Variants in BBS9 observed in about 807,000 individuals in gnomAD.
BBS9 encodes Bardet-Biedl syndrome 9.
In BBS9, 89 loss-of-function variants were observed where a neutral mutation model predicts 117.7. That is an observed-to-expected ratio of 0.76 (90% confidence interval 0.64 to 0.90). BBS9 has a LOEUF of 0.90. BBS9 is among the 40% of genes least tolerant of loss of function. The pLI is 0.00. For synonymous variants in BBS9, 379 were observed against 370.9 expected, an observed-to-expected ratio of 1.02 and a Z score of -0.25; for missense variants, 982 against 1,042.2, an observed-to-expected ratio of 0.94 and a Z score of 0.80.
chr7:33,418,594 G>A (rs981302657), intron 19 of BBS9, among the ~76,000 whole-genome samples: 3 of 152,212 alleles, frequency 2.0e-5, no homozygotes, highest in Non-Finnish European at 2.9e-5. Flanking sequence ...TAGAGGCTCA[G>A]ATTGAATTGC....
intron 21 of BBS9, among the ~76,000 whole-genome samples, chr7:33,562,558 T>C (rs1026807023): frequency 6.6e-5 from 10 of 152,214 alleles, no homozygotes; most frequent in South Asian, 2.1e-4. Context: ...AATCCTAAAC[T>C]GAACTTGAAA....
chr7:33,292,955 G>T (rs1804378409), intron 9 of BBS9, among the ~76,000 whole-genome samples: 1 of 150,206 alleles, frequency 6.7e-6, no homozygotes, highest in Non-Finnish European at 1.5e-5. Context: ...GCAGTCAGCT[G>T]AGATCATGCC....
At chr7:33,629,759 G>A (rs1183859325) in intron 21 of BBS9, among the ~76,000 whole-genome samples, 1 of 152,122 alleles carries the variant, frequency 6.6e-6, no homozygotes, top group East Asian at 1.9e-4. Flanking sequence ...CTGATTCAAC[G>A]TTAAAATTGC....
intron 3 of BBS9, among the ~76,000 whole-genome samples, chr7:33,154,512 CTG>C (rs1358543113): frequency 1.3e-5 from 2 of 152,162 alleles, no homozygotes; most frequent in East Asian, 3.9e-4. Flanking sequence ...GTCGCCCAGA[CTG>C]GAGTGCAATG....
intron 5 of BBS9, among the ~76,000 whole-genome samples, chr7:33,208,378 C>A (rs1787361835): frequency 1.3e-5 from 2 of 152,128 alleles, no homozygotes; most frequent in African/African-American, 4.8e-5. Context: ...TATTCGTGTT[C>A]CCAGAGGCTG....
chr7:33,436,390 C>A (rs1023724610), intron 19 of BBS9, among the ~76,000 whole-genome samples: 1 of 152,132 alleles, frequency 6.6e-6, no homozygotes, highest in Non-Finnish European at 1.5e-5. Flanking sequence ...AATGTAATAG[C>A]CCCTTGATCA....
chr7:33,498,078 C>CT (rs1394010530), intron 19 of BBS9, among the ~76,000 whole-genome samples: 1 of 152,084 alleles, frequency 6.6e-6, no homozygotes, highest in Non-Finnish European at 1.5e-5. Flanking sequence ...GGTGAGAAAA[C>CT]TAAGTTTGAG....
At chr7:33,306,982 C>T (rs942657421) in intron 9 of BBS9, among the ~76,000 whole-genome samples, 19 of 151,516 alleles carry the variant, frequency 1.3e-4, no homozygotes, top group Admixed American at 8.6e-4. Flanking sequence ...ATTGTATGTA[C>T]GCGGTATCTG....
chr7:33,189,133 G>A (rs180877642), intron 5 of BBS9, among the ~76,000 whole-genome samples: 16 of 152,238 alleles, frequency 1.1e-4, no homozygotes, highest in African/African-American at 3.9e-4. Flanking sequence ...CAGTCCTCCT[G>A]CCTCAGCCTC....
At chr7:33,270,810 T>C (rs1295152769) in intron 7 of BBS9, among the ~76,000 whole-genome samples, 2 of 152,054 alleles carry the variant, frequency 1.3e-5, no homozygotes, top group Admixed American at 1.3e-4. Context: ...TCATGAAAAA[T>C]TCCCCAACCT....
chr7:33,631,256 G>A (rs937069417), intron 21 of BBS9, among the ~76,000 whole-genome samples: 4 of 152,100 alleles, frequency 2.6e-5, no homozygotes, highest in African/African-American at 4.8e-5. Flanking sequence ...AGCCCATGCC[G>A]GCCCTGCAGG....
intron 10 of BBS9, among the ~76,000 whole-genome samples, chr7:33,340,675 C>T (rs899029456): frequency 1.3e-5 from 2 of 152,128 alleles, no homozygotes; most frequent in East Asian, 1.9e-4. Flanking sequence ...CAATGGCTCA[C>T]ATCTTAGCAA....
At chr7:33,180,236 A>C (rs1199244053) in intron 5 of BBS9, among the ~76,000 whole-genome samples, 1 of 152,198 alleles carries the variant, frequency 6.6e-6, no homozygotes, top group Admixed American at 6.5e-5. Context: ...GGGGAACAAC[A>C]CAGCAGTAGG....
chr7:33,515,548 G>A (rs767612439), intron 20 of BBS9, among the ~76,000 whole-genome samples: 5 of 152,116 alleles, frequency 3.3e-5, no homozygotes, highest in Non-Finnish European at 5.9e-5. Context: ...TGAACTGTAC[G>A]TTGCCTGAAG....
chr7:33,213,521 T>C (rs1488525199), intron 5 of BBS9, among the ~76,000 whole-genome samples: 3 of 152,206 alleles, frequency 2.0e-5, no homozygotes, highest in African/African-American at 7.2e-5. Context: ...AAGTCTCTTT[T>C]ACTTTTCCCT....
In BBS9 at chr7:33,534,062, A is replaced by G; in HGVS notation, c.2407A>G (p.Lys803Glu). ...CCTCAACAGCCAGCTGAACATACCC[A>G]AAGACACAAGCCAACTGAAGAAACA... ...LNLNSQLNIP[K>E]DTSQLKKHIT... Residue 803 changes from lysine to glutamate, a missense_variant, in exon 21 of 23, where the codon AAA becomes GAA. Coordinates refer to ENST00000242067, the MANE Select transcript of BBS9 (RefSeq NM_198428.3). 1.2e-6 allele frequency: 2 copies of G among 1,614,206 alleles called. No individual in the cohort carries two copies. The highest frequency in any genetic ancestry group is 1.7e-6 in the Non-Finnish European group (2 of 1,180,038).
Position 33,273,194 on chromosome 7 carries a change from A to C in BBS9, c.885A>C (p.Ser295=), listed in dbSNP as rs1800136942. The C allele has an allele frequency of 6.2e-7, 1 of 1,613,510 alleles. No individual in the cohort carries two copies. The highest frequency in any genetic ancestry group is 8.5e-7 in the Non-Finnish European group (1 of 1,179,702). ...WSPSCFLPYC[S]VSEGTINTLI... ...CAAGTTGTTTTCTGCCATATTGCTC[A>C]GGTGTGTAGAAAGATTTTCTTTTAT... is the stretch of plus-strand genomic sequence containing the variant. Residue 295 remains serine (S), a splice_region_variant and synonymous_variant, in exon 8 of 23, where the codon TCA becomes TCC. Transcript: ENST00000242067.
At chr7:33,510,525 G>C (rs944269446) in intron 20 of BBS9, among the ~76,000 whole-genome samples, 1 of 152,004 alleles carries the variant, frequency 6.6e-6, no homozygotes, top group Non-Finnish European at 1.5e-5. Flanking sequence ...GAAGATCTTA[G>C]CACATACTAT....
chr7:33,512,758 C>T (rs888062720), intron 20 of BBS9, among the ~76,000 whole-genome samples: 12 of 152,174 alleles, frequency 7.9e-5, no homozygotes, highest in African/African-American at 2.7e-4. Context: ...GCAGCACGCC[C>T]GCTGTGCTGT....
Sources: allele counts gnomAD v4.1 joint callset (sites outside exome capture counted in the v4.1 genomes callset), GRCh38; gene constraint gnomAD v4.1.1; transcripts MANE v1.5; gene names NCBI Gene and HGNC (gene_info 2026-07-23, HGNC 2026-07-21).